Variants in WDFY3 observed in about 807,000 individuals in gnomAD.
The protein encoded by WDFY3 is WD repeat and FYVE domain-containing protein 3.
WDFY3 carries 66 observed loss-of-function variants against 409.6 expected under a neutral mutation model. The ratio of observed to expected loss-of-function variants is 0.16; its 90% CI spans 0.13 to 0.20. The LOEUF is 0.20. WDFY3 is among the 10% of genes least tolerant of loss of function. The probability of loss-of-function intolerance (pLI) is 1.00; values close to 1 mark genes in which losing one functional copy is unlikely to be tolerated. For missense variants in WDFY3, 3,031 were observed against 4,298.1 expected (o/e 0.71, Z 8.24); for synonymous variants, 1,521 against 1,537.1 (o/e 0.99, Z 0.25).
At chr4:84,730,089 GTTTAAAC>G (rs1736332233) in intron 44 of WDFY3, among the ~76,000 whole-genome samples, 1 of 152,114 alleles carries the variant, frequency 6.6e-6, no homozygotes, top group Admixed American at 6.5e-5. Context: ...AGTTAAGGTA[GTTTAAAC>G]TTTAGTGGCC....
chr4:84,947,102 C>A (rs534781765), intron 1 of WDFY3, among the ~76,000 whole-genome samples: 79 of 151,774 alleles, frequency 5.2e-4, no homozygotes, highest in African/African-American at 1.9e-3. Context: ...CCACCGTGCC[C>A]GGCCAATTTA....
intron 17 of WDFY3, among the ~76,000 whole-genome samples, chr4:84,800,413 T>C (rs1578577139): frequency 6.6e-6 from 1 of 152,168 alleles, no homozygotes; most frequent in Non-Finnish European, 1.5e-5. Context: ...ATGACAGATA[T>C]ATATGAATCA....
chr4:84,925,794 A>G (rs1271165008), intron 2 of WDFY3, among the ~76,000 whole-genome samples: 2 of 152,186 alleles, frequency 1.3e-5, no homozygotes, highest in East Asian at 3.9e-4. Flanking sequence ...ATAAGGTCTG[A>G]AATTACTTTC....
At chr4:84,697,560 T>C (rs931185235) in intron 56 of WDFY3, among the ~76,000 whole-genome samples, 1 of 152,334 alleles carries the variant, frequency 6.6e-6, no homozygotes, top group Non-Finnish European at 1.5e-5. Context: ...TTCTAAAATA[T>C]AAAAGAAACC....
At chr4:84,837,169 C>A in intron 6 of WDFY3, 79 bp from the exon 7 acceptor site, 1 of 1,246,840 alleles carries the variant, frequency 8.0e-7, no homozygotes, top group Non-Finnish European at 1.0e-6. Context: ...CAAATGTTAA[C>A]CCAAAAATTA....
At chr4:84,686,196 C>T (rs1055191897) in intron 62 of WDFY3, among the ~76,000 whole-genome samples, 13 of 152,152 alleles carry the variant, frequency 8.5e-5, no homozygotes, top group Non-Finnish European at 1.6e-4. Flanking sequence ...ATCCCAGCTA[C>T]TCAGGAGGCT....
intron 25 of WDFY3, among the ~76,000 whole-genome samples, chr4:84,780,973 G>A (rs1048330016): frequency 6.6e-6 from 1 of 152,066 alleles, no homozygotes; most frequent in African/African-American, 2.4e-5. Flanking sequence ...GTAAGTAAGA[G>A]TGCCTTACTA....
intron 2 of WDFY3, among the ~76,000 whole-genome samples, chr4:84,904,075 G>A (rs1408508178): frequency 6.6e-6 from 1 of 152,136 alleles, no homozygotes; most frequent in Non-Finnish European, 1.5e-5. Context: ...ACTGATTAGT[G>A]TCCTTATAAA....
At position 84,682,360 on chromosome 4, in the gene WDFY3, A is replaced by G; in HGVS notation, c.9823+14T>C. The G allele has an allele frequency of 6.2e-7, 1 of 1,605,328 alleles. No homozygotes were observed. On this transcript the variant is annotated intron_variant, in intron 64 of 67. Coordinates refer to ENST00000295888, the MANE Select transcript of WDFY3 (RefSeq NM_014991.6). ...TGAAAACGATTTGAGTCATTTTTAG[A>G]AAGTATTAAATACCTATTTGTGCTT...
intron 3 of WDFY3, among the ~76,000 whole-genome samples, chr4:84,893,303 G>T (rs1041667830): frequency 9.9e-5 from 15 of 152,282 alleles, no homozygotes; most frequent in African/African-American, 3.4e-4. Context: ...CCTACCATGG[G>T]AGACTCTGTG....
At chr4:84,924,523 C>T (rs888399914) in intron 2 of WDFY3, among the ~76,000 whole-genome samples, 3 of 152,214 alleles carry the variant, frequency 2.0e-5, no homozygotes, top group African/African-American at 7.2e-5. Context: ...ATCCTAACAA[C>T]AATCACATGA....
intron 64 of WDFY3, among the ~76,000 whole-genome samples, chr4:84,680,125 A>C (rs929701462): frequency 6.6e-6 from 1 of 151,992 alleles, no homozygotes; most frequent in East Asian, 1.9e-4. Context: ...TCCTGACCTC[A>C]TGATCCACCC....
chr4:84,863,819 C>T (rs1490908328), intron 3 of WDFY3, among the ~76,000 whole-genome samples: 1 of 152,142 alleles, frequency 6.6e-6, no homozygotes, highest in Non-Finnish European at 1.5e-5. Flanking sequence ...ATTCCATGTT[C>T]TCAGAACCCT....
intron 56 of WDFY3, among the ~76,000 whole-genome samples, chr4:84,698,553 A>T (rs1266875314): frequency 1.3e-5 from 2 of 152,102 alleles, no homozygotes; most frequent in Non-Finnish European, 2.9e-5. Context: ...AATTATAGGC[A>T]AGAGCCAGTG....
rs769432204 is a variant in WDFY3, at chr4:84,820,235, T to C, written c.1592-49A>G. The stretch of plus-strand genomic sequence containing the variant: ...AATTACAAAAGTGATAAGCTTATTT[T>C]TTCTTGATTCCGTTTTACTGTAATA... On this transcript the variant is annotated intron_variant, in intron 11 of 67. Coordinates refer to ENST00000295888, the MANE Select transcript of WDFY3 (RefSeq NM_014991.6). 7 of 1,442,022 alleles carry C rather than the reference T, an allele frequency of 4.9e-6. No individual in the cohort carries two copies. In the East Asian group the frequency reaches 1.4e-4, roughly 28 times the overall value. 89.3% of individuals were successfully genotyped at this position (1,442,022 alleles called of 1,614,324 possible). A position where few individuals can be genotyped will look rare whatever the true frequency, so the allele number is the denominator to read the frequency against.
intron 56 of WDFY3, among the ~76,000 whole-genome samples, chr4:84,699,143 C>T (rs964420487): frequency 5.9e-5 from 9 of 151,824 alleles, no homozygotes; most frequent in South Asian, 2.1e-4. Flanking sequence ...TACGCAACCA[C>T]GATTTCTATC....
At chr4:84,888,371 CA>C (rs1402276395) in intron 3 of WDFY3, among the ~76,000 whole-genome samples, 33 of 152,000 alleles carry the variant, frequency 2.2e-4, no homozygotes, top group Admixed American at 1.5e-3. Context: ...TGACTATTAG[CA>C]ATTAAACACA....
intron 30 of WDFY3, among the ~76,000 whole-genome samples, chr4:84,771,596 C>T (rs1744691399): frequency 6.6e-6 from 1 of 152,092 alleles, no homozygotes; most frequent in Non-Finnish European, 1.5e-5. Flanking sequence ...GCTTAGAATG[C>T]TTGTTTAGAC....
At chr4:84,963,127 C>CA (rs112014329) in intron 1 of WDFY3, among the ~76,000 whole-genome samples, 4,722 of 130,600 alleles carry the variant, frequency 0.036, 125 homozygotes, top group African/African-American at 0.083. Flanking sequence ...AACAAAAAAA[C>CA]AAAAAAAAAA....
Sources: allele counts gnomAD v4.1 joint callset (sites outside exome capture counted in the v4.1 genomes callset), GRCh38; gene constraint gnomAD v4.1.1; transcripts MANE v1.5; gene names NCBI Gene and HGNC (gene_info 2026-07-23, HGNC 2026-07-21).